The following F13A1 variants were observed in gnomAD, a reference collection of about 807,000 sequenced individuals.
The protein encoded by F13A1 is FSF, A subunit.
Under a neutral mutation model 80.1 loss-of-function variants are expected in F13A1, and 47 were observed. The ratio of observed to expected loss-of-function variants is 0.59; its 90% CI spans 0.46 to 0.75. F13A1 has a LOEUF of 0.75. Among genes scored for constraint, F13A1 ranks in the 30% least tolerant of loss-of-function variants. F13A1 has a pLI of 0.00. For synonymous variants in F13A1, 349 were observed against 344.9 expected, an observed-to-expected ratio of 1.01 and a Z score of -0.13; for missense variants, 817 against 930.4, an observed-to-expected ratio of 0.88 and a Z score of 1.59.
At chr6:6,181,542 T>G (rs1352739271) in intron 11 of F13A1, among the ~76,000 whole-genome samples, 1 of 152,232 alleles carries the variant, frequency 6.6e-6, no homozygotes, top group Admixed American at 6.5e-5. Context: ...ATTATCTACG[T>G]TGTAGTCTTC....
chr6:6,218,642 C>T (rs1757140310), intron 8 of F13A1, among the ~76,000 whole-genome samples: 1 of 152,190 alleles, frequency 6.6e-6, no homozygotes, highest in Admixed American at 6.5e-5. Context: ...ACCATGGCCT[C>T]TGTTGGCGTC....
At chr6:6,307,195 A>T (rs999667165) in intron 2 of F13A1, among the ~76,000 whole-genome samples, 1 of 152,164 alleles carries the variant, frequency 6.6e-6, no homozygotes, top group Non-Finnish European at 1.5e-5. Context: ...CACTGCCCCT[A>T]AACTGTGACA....
intron 8 of F13A1, among the ~76,000 whole-genome samples, chr6:6,211,829 C>A (rs559924859): frequency 3.3e-5 from 5 of 152,216 alleles, no homozygotes; most frequent in Non-Finnish European, 7.3e-5. Flanking sequence ...GCGCACCATG[C>A]GCGAGCCAAA....
chr6:6,244,680 A>C (rs1423979932), intron 6 of F13A1, among the ~76,000 whole-genome samples: 1 of 152,212 alleles, frequency 6.6e-6, no homozygotes, highest in East Asian at 1.9e-4. Context: ...TGAAGAATAA[A>C]AGAGTATTCT....
At chr6:6,249,181 G>A (rs867375530) in intron 5 of F13A1, among the ~76,000 whole-genome samples, 3 of 152,318 alleles carry the variant, frequency 2.0e-5, no homozygotes, top group Middle Eastern at 3.4e-3. Flanking sequence ...GAAACCTTGT[G>A]TGCTATCCAC....
chr6:6,312,224 C>T (rs557279475), intron 2 of F13A1, among the ~76,000 whole-genome samples: 142 of 151,642 alleles, frequency 9.4e-4, no homozygotes, highest in Non-Finnish European at 1.8e-3. Context: ...TGTTTTCTAA[C>T]ATGTTACTTT....
chr6:6,234,472 ACT>A (rs1241802580), intron 6 of F13A1, among the ~76,000 whole-genome samples: 1 of 151,962 alleles, frequency 6.6e-6, no homozygotes, highest in African/African-American at 2.4e-5. Context: ...AGGAACAGAG[ACT>A]CTGTGATAAC....
At chr6:6,305,670 G>A in intron 2 of F13A1, 131 bp from the exon 3 acceptor site, 3 of 825,090 alleles carry the variant, frequency 3.6e-6, no homozygotes, top group East Asian at 2.6e-5. Flanking sequence ...TCTGTAGGAG[G>A]CAGGGGTAGG....
chr6:6,262,794 A>G (rs1045816003), intron 4 of F13A1, among the ~76,000 whole-genome samples: 1 of 151,262 alleles, frequency 6.6e-6, no homozygotes, highest in African/African-American at 2.4e-5. Context: ...CTCTTCTTCT[A>G]CTCTACTCCT....
chr6:6,228,443 A>G (rs2113069360), intron 6 of F13A1, among the ~76,000 whole-genome samples: 1 of 152,270 alleles, frequency 6.6e-6, no homozygotes, highest in South Asian at 2.1e-4. Flanking sequence ...AGTAATAAAT[A>G]TAATCAAAAT....
At position 6,240,606 on chromosome 6, in the gene F13A1, C is replaced by A. The variant is rs117211044; in HGVS notation, c.798+7706G>T. ...CCTGATGCCTCAGTCTCTCCACCTG[C>A]ACTTTGGTTATTTATGGAATGGATT... On this transcript the variant is annotated intron_variant, in intron 6 of 14. Coordinates refer to ENST00000264870, the MANE Select transcript of F13A1 (RefSeq NM_000129.4). Among the ~76,000 whole-genome samples, 138 of 152,288 alleles carry A rather than the reference C, an allele frequency of 9.1e-4. 2 individuals carry two copies. In the East Asian group the frequency reaches 0.021, roughly 23 times the overall value.
At chr6:6,152,051 AT>A (rs1394476233) in intron 13 of F13A1, 102 bp from the exon 14 acceptor site, 2 of 1,462,122 alleles carry the variant, frequency 1.4e-6, no homozygotes, top group Admixed American at 1.9e-5. Context: ...TGATACAGTT[AT>A]TTTTTTGGCA....
intron 6 of F13A1, among the ~76,000 whole-genome samples, chr6:6,227,578 C>T (rs1757294603): frequency 6.6e-6 from 1 of 152,062 alleles, no homozygotes; most frequent in Non-Finnish European, 1.5e-5. Flanking sequence ...TGAAGAATGC[C>T]TTGGTAGGCT....
intron 10 of F13A1, among the ~76,000 whole-genome samples, chr6:6,192,547 G>A (rs774788444): frequency 2.0e-5 from 3 of 152,146 alleles, no homozygotes; most frequent in Non-Finnish European, 4.4e-5. Flanking sequence ...TAAATGACTG[G>A]ATTATTTTAT....
chr6:6,181,285 C>T (rs1306305436), intron 11 of F13A1, among the ~76,000 whole-genome samples: 1 of 152,200 alleles, frequency 6.6e-6, no homozygotes, highest in Non-Finnish European at 1.5e-5. Flanking sequence ...CACAATAATC[C>T]TGTCACTCGG....
Position 6,151,879 on chromosome 6 carries a change from G to T in F13A1, c.1979C>A (p.Thr660Asn), listed in dbSNP as rs1283401736. 2.5e-6 allele frequency: 4 copies of T among 1,614,068 alleles called. No homozygotes were observed. The Admixed American group carries it at 5.0e-5, about 20-fold the overall frequency. Residue 660 changes from threonine (T) to asparagine (N), a missense_variant, in exon 14 of 15, where the codon ACC becomes AAC. Coordinates refer to ENST00000264870, the MANE Select transcript of F13A1 (RefSeq NM_000129.4). ...TVEFTNPLKE[T>N]LRNVWVHLDG... ...CAGGTGTACCCAGACATTTCGCAGG[G>T]TTTCTTTTAAAGGATTGGTAAACTC...
chr6:6,167,627 A>G lies in F13A1; in HGVS notation c.1748-9T>C. ...CACCGCCTCTTTCTTGACTAGTAGG[A>G]GAAAACACACACAGGCCTGGCATCA... On this transcript the variant is annotated splice_polypyrimidine_tract_variant and intron_variant, in intron 12 of 14. Transcript: ENST00000264870. The G allele has an allele frequency of 6.2e-7, 1 of 1,612,926 alleles. No individual in the cohort carries two copies. The highest frequency in any genetic ancestry group is 8.5e-7 in the Non-Finnish European group (1 of 1,179,954).
chr6:6,153,390 G>A (rs1018508046), intron 13 of F13A1, among the ~76,000 whole-genome samples: 1 of 152,028 alleles, frequency 6.6e-6, no homozygotes, highest in African/African-American at 2.4e-5. Flanking sequence ...AAAATCACAT[G>A]TACCCCATAA....
intron 8 of F13A1, among the ~76,000 whole-genome samples, chr6:6,218,683 GC>G (rs1402673901): frequency 6.6e-6 from 1 of 152,154 alleles, no homozygotes; most frequent in Non-Finnish European, 1.5e-5. Context: ...CAAAACTGTA[GC>G]CCCCCTGAGG....
Sources: gnomAD v4.1 joint callset for allele counts (sites outside exome capture counted in the v4.1 genomes callset) on GRCh38, gnomAD v4.1.1 for gene constraint, MANE v1.5 for transcripts, NCBI Gene and HGNC (gene_info 2026-07-23, HGNC 2026-07-21) for gene names.